Variants in AGBL4 observed in about 807,000 individuals in gnomAD.
AGBL4 encodes the protein cytosolic carboxypeptidase 6.
Under a neutral mutation model 66.4 loss-of-function variants are expected in AGBL4, and 58 were observed. The ratio of observed to expected loss-of-function variants is 0.87; its 90% CI spans 0.71 to 1.09. The LOEUF (loss-of-function observed/expected upper bound fraction) is 1.09. Among genes scored for constraint, AGBL4 ranks in the 50% least tolerant of loss-of-function variants. AGBL4 has a pLI of 0.00. For synonymous variants in AGBL4, 234 were observed against 222.9 expected, an observed-to-expected ratio of 1.05 and a Z score of -0.44; for missense variants, 579 against 631.0, an observed-to-expected ratio of 0.92 and a Z score of 0.88.
intron 12 of AGBL4, among the ~76,000 whole-genome samples, chr1:48,535,315 T>A (rs917543861): frequency 6.6e-6 from 1 of 152,118 alleles, no homozygotes; most frequent in Non-Finnish European, 1.5e-5. Context: ...TAGTCTCACC[T>A]CTTTTTGGAA....
chr1:49,312,642 A>G (rs1305463392), intron 3 of AGBL4, among the ~76,000 whole-genome samples: 1 of 152,080 alleles, frequency 6.6e-6, no homozygotes, highest in Admixed American at 6.6e-5. Context: ...AAGAAAAACA[A>G]CCCAATTAAA....
chr1:49,957,299 T>A (rs1450740100), intron 1 of AGBL4, among the ~76,000 whole-genome samples: 1 of 152,114 alleles, frequency 6.6e-6, no homozygotes, highest in Non-Finnish European at 1.5e-5. Flanking sequence ...AATTTTGGAA[T>A]AAGTGCGATG....
intron 4 of AGBL4, among the ~76,000 whole-genome samples, chr1:49,072,358 C>T (rs1190661881): frequency 2.0e-5 from 3 of 152,264 alleles, no homozygotes; most frequent in Admixed American, 6.5e-5. Context: ...TACAATGTGG[C>T]ATGTTTTGCA....
At chr1:48,906,052 G>A (rs932450096) in intron 5 of AGBL4, among the ~76,000 whole-genome samples, 2 of 152,136 alleles carry the variant, frequency 1.3e-5, no homozygotes, top group Non-Finnish European at 2.9e-5. Flanking sequence ...GTAGTGCTAA[G>A]TGTCACGAAG....
At chr1:48,588,820 G>GAGAAC (rs1644867479) in intron 10 of AGBL4, among the ~76,000 whole-genome samples, 2 of 148,016 alleles carry the variant, frequency 1.4e-5, no homozygotes, top group African/African-American at 5.0e-5. Flanking sequence ...GAGAAGAGAA[G>GAGAAC]AGAAGAGAAG....
At chr1:49,109,409 G>A (rs1645361965) in intron 4 of AGBL4, among the ~76,000 whole-genome samples, 3 of 152,040 alleles carry the variant, frequency 2.0e-5, no homozygotes, top group Admixed American at 2.0e-4. Context: ...AATCCCTCTG[G>A]CATCTATCTT....
intron 3 of AGBL4, among the ~76,000 whole-genome samples, chr1:49,504,127 T>C (rs920545444): frequency 6.6e-6 from 1 of 152,236 alleles, no homozygotes; most frequent in Non-Finnish European, 1.5e-5. Flanking sequence ...GTTCTGGTGA[T>C]AGTGAGTGTG....
At chr1:49,446,556 C>A (rs1646161256) in intron 3 of AGBL4, among the ~76,000 whole-genome samples, 1 of 152,126 alleles carries the variant, frequency 6.6e-6, no homozygotes, top group Admixed American at 6.5e-5. Flanking sequence ...CCAGATGGAC[C>A]AGTATACAGG....
intron 1 of AGBL4, among the ~76,000 whole-genome samples, chr1:49,927,244 G>T (rs1652868068): frequency 6.6e-6 from 1 of 152,086 alleles, no homozygotes; most frequent in Non-Finnish European, 1.5e-5. Context: ...AAATCAAGTT[G>T]ACACTGAGTA....
intron 5 of AGBL4, among the ~76,000 whole-genome samples, chr1:48,964,671 G>A (rs537520638): frequency 9.2e-5 from 14 of 152,174 alleles, no homozygotes; most frequent in South Asian, 2.1e-4. Flanking sequence ...ACTGCCAAAA[G>A]CCATTTTATT....
chr1:49,164,793 A>G (rs911505731), intron 4 of AGBL4, among the ~76,000 whole-genome samples: 1 of 152,102 alleles, frequency 6.6e-6, no homozygotes, highest in African/African-American at 2.4e-5. Flanking sequence ...CACTATGCCC[A>G]CTCACTTGTG....
chr1:48,587,676 T>C (rs1247267005), intron 10 of AGBL4, among the ~76,000 whole-genome samples: 1 of 151,892 alleles, frequency 6.6e-6, no homozygotes, highest in Non-Finnish European at 1.5e-5. Flanking sequence ...GAAGTCTCGC[T>C]CTGTCACCCA....
At chr1:49,325,377 G>A (rs145670199) in intron 3 of AGBL4, among the ~76,000 whole-genome samples, 11 of 152,242 alleles carry the variant, frequency 7.2e-5, no homozygotes, top group African/African-American at 2.6e-4. Flanking sequence ...GCTTCTTAAG[G>A]AAAAGTGTTA....
At chr1:49,150,358 T>C (rs932240288) in intron 4 of AGBL4, among the ~76,000 whole-genome samples, 2 of 152,202 alleles carry the variant, frequency 1.3e-5, no homozygotes, top group East Asian at 3.9e-4. Context: ...TCACAATTTG[T>C]ACACATTCTC....
At chr1:48,867,095 C>T (rs2148824561) in intron 6 of AGBL4, 96 bp downstream of exon 6, 1 of 1,381,104 alleles carries the variant, frequency 7.2e-7, no homozygotes, top group Admixed American at 1.9e-5. Flanking sequence ...ATTCAGGGAG[C>T]CAAAAGAGAA....
chr1:49,268,885 T>A (rs369238343), intron 3 of AGBL4, among the ~76,000 whole-genome samples: 2 of 152,180 alleles, frequency 1.3e-5, no homozygotes, highest in East Asian at 3.9e-4. Context: ...TTACTCTGTA[T>A]CCATATTCTT....
chr1:48,662,492 A>G (rs1194169071), intron 7 of AGBL4, among the ~76,000 whole-genome samples: 1 of 152,248 alleles, frequency 6.6e-6, no homozygotes, highest in Non-Finnish European at 1.5e-5. Context: ...TTAAAATGAG[A>G]TAAATTACTT....
chr1:48,792,661 A>C (rs1645578885), intron 6 of AGBL4, among the ~76,000 whole-genome samples: 1 of 152,306 alleles, frequency 6.6e-6, no homozygotes, highest in South Asian at 2.1e-4. Context: ...GGATAGTTGG[A>C]GCTGATACCT....
intron 3 of AGBL4, chr1:49,269,121 A>G (rs1643996567): frequency 6.6e-6 from 1 of 152,192 alleles, no homozygotes; most frequent in Non-Finnish European, 1.5e-5. Context: ...CATTGACTAA[A>G]GCCCAATGAT....
Sources: allele counts gnomAD v4.1 joint callset (sites outside exome capture counted in the v4.1 genomes callset), GRCh38; gene constraint gnomAD v4.1.1; transcripts MANE v1.5; gene names NCBI Gene and HGNC (gene_info 2026-07-23, HGNC 2026-07-21).